PDE4D: variants seen among roughly 807,000 people sequenced by gnomAD.
PDE4D encodes phosphodiesterase 4D.
PDE4D carries 24 observed loss-of-function variants against 87.4 expected under a neutral mutation model. The ratio of observed to expected loss-of-function variants is 0.27; its 90% CI spans 0.20 to 0.39. PDE4D has a LOEUF of 0.39. Ranked by LOEUF, PDE4D falls within the 10% of genes least tolerant of loss-of-function variation. The probability of loss-of-function intolerance (pLI) is 1.00; values close to 1 mark genes in which losing one functional copy is unlikely to be tolerated. For missense variants in PDE4D, 714 were observed against 1,041.0 expected (o/e 0.69, Z 4.32); for synonymous variants, 384 against 383.2 (o/e 1.00, Z -0.02).
chr5:59,519,319 C>T (rs578156020), intron 1 of PDE4D, among the ~76,000 whole-genome samples: 8 of 152,222 alleles, frequency 5.3e-5, no homozygotes, highest in African/African-American at 1.7e-4. Flanking sequence ...GTCATAGGTG[C>T]TATGAATAAA....
intron 2 of PDE4D, among the ~76,000 whole-genome samples, chr5:60,000,544 C>G (rs922299058): frequency 6.6e-6 from 1 of 152,108 alleles, no homozygotes; most frequent in African/African-American, 2.4e-5. Context: ...TTCTTTAGCA[C>G]TAGACTTGAC....
chr5:60,218,704 T>C (rs1397771546), intron 1 of PDE4D, among the ~76,000 whole-genome samples: 3 of 152,032 alleles, frequency 2.0e-5, no homozygotes, highest in Non-Finnish European at 4.4e-5. Flanking sequence ...CTAAAAAATA[T>C]TGAACTATTT....
chr5:60,296,956 G>T (rs1038847455), intron 1 of PDE4D, among the ~76,000 whole-genome samples: 3 of 152,096 alleles, frequency 2.0e-5, no homozygotes, highest in Non-Finnish European at 2.9e-5. Flanking sequence ...TGGGGGGCAA[G>T]GGGAGGGATG....
intron 5 of PDE4D, chr5:59,063,583 A>G (rs1763460231): frequency 6.6e-6 from 1 of 152,296 alleles, no homozygotes; most frequent in East Asian, 1.9e-4. Context: ...TAATCATGCT[A>G]GTAACTTTTT....
chr5:59,718,303 C>T (rs1755318989), intron 1 of PDE4D, among the ~76,000 whole-genome samples: 1 of 152,164 alleles, frequency 6.6e-6, no homozygotes, highest in African/African-American at 2.4e-5. Context: ...TATGTTTACA[C>T]CTTAATTATG....
At chr5:59,427,844 T>C (rs1795532421) in intron 1 of PDE4D, among the ~76,000 whole-genome samples, 1 of 149,768 alleles carries the variant, frequency 6.7e-6, no homozygotes, top group Admixed American at 6.6e-5. Context: ...AAGAAATTGC[T>C]ATACTAAAAT....
intron 1 of PDE4D, among the ~76,000 whole-genome samples, chr5:59,694,045 A>G (rs1751382221): frequency 6.6e-6 from 1 of 152,236 alleles, no homozygotes; most frequent in Non-Finnish European, 1.5e-5. Flanking sequence ...AAGAACAGTC[A>G]TATTTATTCA....
At chr5:60,410,478 CATTTA>C (rs1351654627) in intron 1 of PDE4D, among the ~76,000 whole-genome samples, 2 of 152,200 alleles carry the variant, frequency 1.3e-5, no homozygotes, top group Non-Finnish European at 2.9e-5. Flanking sequence ...ACAGCTTAGA[CATTTA>C]ATTTATTTTT....
intron 1 of PDE4D, among the ~76,000 whole-genome samples, chr5:59,715,919 G>A (rs1754951468): frequency 1.3e-5 from 2 of 152,188 alleles, no homozygotes; most frequent in Non-Finnish European, 1.5e-5. Flanking sequence ...CTGTGGGCAT[G>A]TTTCTCCATT....
intron 1 of PDE4D, among the ~76,000 whole-genome samples, chr5:59,244,952 T>C (rs1192237667): frequency 1.3e-5 from 2 of 151,950 alleles, no homozygotes; most frequent in Non-Finnish European, 2.9e-5. Context: ...TATTGGAATA[T>C]TTATTGGGAA....
At chr5:60,282,239 T>TATATATATATATATATATA (rs1752003081) in intron 1 of PDE4D, among the ~76,000 whole-genome samples, 3 of 104,054 alleles carry the variant, frequency 2.9e-5, no homozygotes, top group African/African-American at 1.1e-4. Context: ...ATATATATAT[T>TATATATATATATATATATA]TCTCAAAATG....
At position 59,204,729 on chromosome 5, in the gene PDE4D, G is replaced by A. The variant is rs150288125; in HGVS notation, c.647+11048C>T. On this transcript the variant is annotated intron_variant, in intron 2 of 14. Coordinates refer to ENST00000340635, the MANE Select transcript of PDE4D (RefSeq NM_001104631.2). The stretch of plus-strand genomic sequence containing the variant: ...TGCTCTCACTTTGTGTTCTAGGAAC[G>A]GGATCTTCTTTCACAGTTTATCTTA... Among the ~76,000 whole-genome samples, 19 of 152,296 alleles carry A rather than the reference G, an allele frequency of 1.2e-4. No individual in the cohort carries two copies. In the East Asian group the frequency reaches 3.7e-3, roughly 29 times the overall value.
At chr5:60,389,139 A>T (rs1269018262) in intron 1 of PDE4D, among the ~76,000 whole-genome samples, 1 of 152,198 alleles carries the variant, frequency 6.6e-6, no homozygotes, top group Admixed American at 6.5e-5. Context: ...AAAGGATTGG[A>T]ATAAAATACA....
At chr5:59,295,222 T>C (rs78543555) in intron 1 of PDE4D, among the ~76,000 whole-genome samples, 60 of 152,190 alleles carry the variant, frequency 3.9e-4, no homozygotes, top group Admixed American at 1.8e-3. Flanking sequence ...CGTTTTACTA[T>C]TGACTAATAA....
intron 3 of PDE4D, among the ~76,000 whole-genome samples, chr5:59,905,147 T>A (rs1752680874): frequency 6.6e-6 from 1 of 152,162 alleles, no homozygotes; most frequent in Non-Finnish European, 1.5e-5. Flanking sequence ...AAATGGAAGA[T>A]CCATGGTCTA....
At chr5:59,432,621 G>A (rs533784230) in intron 1 of PDE4D, among the ~76,000 whole-genome samples, 1 of 152,148 alleles carries the variant, frequency 6.6e-6, no homozygotes, top group South Asian at 2.1e-4. Context: ...TTTCTTTATA[G>A]TATGAAAATA....
chr5:60,167,670 A>G (rs1783052840), intron 2 of PDE4D, among the ~76,000 whole-genome samples: 1 of 152,014 alleles, frequency 6.6e-6, no homozygotes, highest in Non-Finnish European at 1.5e-5. Context: ...AAAAATTGTT[A>G]TTTCAATTTT....
At chr5:59,948,087 A>T (rs1757904503) in intron 3 of PDE4D, among the ~76,000 whole-genome samples, 1 of 152,236 alleles carries the variant, frequency 6.6e-6, no homozygotes, top group African/African-American at 2.4e-5. Context: ...AGAGATGTAA[A>T]AAATGGACCT....
intron 1 of PDE4D, among the ~76,000 whole-genome samples, chr5:59,358,109 T>G (rs1362809509): frequency 1.3e-5 from 2 of 152,286 alleles, no homozygotes; most frequent in Middle Eastern, 3.4e-3. Context: ...CAATAAAAGC[T>G]CAAGACATTA....
Sources: allele counts gnomAD v4.1 joint callset (sites outside exome capture counted in the v4.1 genomes callset), GRCh38; gene constraint gnomAD v4.1.1; transcripts MANE v1.5; gene names NCBI Gene and HGNC (gene_info 2026-07-23, HGNC 2026-07-21).